EXOC6B: variants seen among roughly 807,000 people sequenced by gnomAD.
The protein encoded by EXOC6B is exocyst complex component 6B.
Under a neutral mutation model 113.5 loss-of-function variants are expected in EXOC6B, and 54 were observed. The ratio of observed to expected loss-of-function variants is 0.48; its 90% CI spans 0.38 to 0.60. The LOEUF is 0.60. Among genes scored for constraint, EXOC6B ranks in the 20% least tolerant of loss-of-function variants. The pLI, the probability that EXOC6B is intolerant of heterozygous loss-of-function variation, is 0.00. For synonymous variants in EXOC6B, 357 were observed against 339.0 expected (o/e 1.05, Z -0.58); for missense variants, 797 against 977.5 (o/e 0.82, Z 2.46).
intron 7 of EXOC6B, among the ~76,000 whole-genome samples, chr2:72,566,549 G>A (rs1418642132): frequency 6.6e-6 from 1 of 151,658 alleles, no homozygotes; most frequent in Non-Finnish European, 1.5e-5. Context: ...GGATTGCTAG[G>A]TCATATATAT....
intron 1 of EXOC6B, among the ~76,000 whole-genome samples, chr2:72,823,999 CAATGGTCCTGATCAT>C (rs1278609509): frequency 1.3e-5 from 2 of 152,060 alleles, no homozygotes; most frequent in African/African-American, 4.8e-5. Context: ...GAGAAAAGCA[CAATGGTCCTGATCAT>C]AAGGCAATGG....
In EXOC6B at chr2:72,588,162, A is replaced by G. The variant is rs547867020; in HGVS notation, c.670-12494T>C. On this transcript the variant is annotated intron_variant, in intron 6 of 21. Coordinates refer to ENST00000272427, the MANE Select transcript of EXOC6B (RefSeq NM_015189.3). Reference sequence around the variant, plus strand: ...TTAAAATGAAATTAAAACATTATCCAGAAATCCCATGTCTGGTTAAATATC... The same window carrying G: ...TTAAAATGAAATTAAAACATTATCCGGAAATCCCATGTCTGGTTAAATATC... 5.3e-5 allele frequency among the ~76,000 whole-genome samples: 8 copies of G among 152,312 alleles called. No individual in the cohort carries two copies. In the South Asian group the frequency reaches 1.0e-3, roughly 20 times the overall value.
At chr2:72,433,788 A>G (rs562936985) in intron 18 of EXOC6B, among the ~76,000 whole-genome samples, 1 of 152,248 alleles carries the variant, frequency 6.6e-6, no homozygotes, top group East Asian at 1.9e-4. Context: ...GTTGCTTAAC[A>G]GCTTGAGTTT....
intron 20 of EXOC6B, among the ~76,000 whole-genome samples, chr2:72,310,019 A>T (rs1687094171): frequency 6.6e-6 from 1 of 152,048 alleles, no homozygotes; most frequent in African/African-American, 2.4e-5. Context: ...GTTCCACATT[A>T]TGTTTATCCA....
chr2:72,804,768 T>C (rs547500595), intron 1 of EXOC6B, among the ~76,000 whole-genome samples: 1 of 152,050 alleles, frequency 6.6e-6, no homozygotes, highest in East Asian at 1.9e-4. Context: ...GCTAATTTTT[T>C]TGTATTTTTA....
chr2:72,652,816 T>C (rs1367382328), intron 6 of EXOC6B, among the ~76,000 whole-genome samples: 1 of 148,058 alleles, frequency 6.8e-6, no homozygotes, highest in African/African-American at 2.5e-5. Flanking sequence ...ATAATAGGCA[T>C]ATATTTTATA....
At chr2:72,571,909 T>C (rs1041547161) in intron 7 of EXOC6B, among the ~76,000 whole-genome samples, 1 of 152,108 alleles carries the variant, frequency 6.6e-6, no homozygotes, top group Non-Finnish European at 1.5e-5. Context: ...GACACAGTAA[T>C]AGCCTTAAAA....
chr2:72,778,575 C>CAT, intron 1 of EXOC6B, among the ~76,000 whole-genome samples: 1 of 152,114 alleles, frequency 6.6e-6, no homozygotes, highest in Non-Finnish European at 1.5e-5. Context: ...AGTACCATTT[C>CAT]ATACACTGGT....
chr2:72,726,225 G>A (rs1327685157), intron 5 of EXOC6B, among the ~76,000 whole-genome samples: 5 of 152,154 alleles, frequency 3.3e-5, no homozygotes, highest in Non-Finnish European at 7.4e-5. Flanking sequence ...CCAGGGCAGC[G>A]AGGAAAGAGG....
At chr2:72,368,933 C>T (rs1439222680) in intron 19 of EXOC6B, among the ~76,000 whole-genome samples, 1 of 152,176 alleles carries the variant, frequency 6.6e-6, no homozygotes, top group East Asian at 1.9e-4. Context: ...AAACTGGAAG[C>T]ATTCCCTTTG....
intron 1 of EXOC6B, among the ~76,000 whole-genome samples, chr2:72,759,061 G>T (rs1264877980): frequency 6.6e-6 from 1 of 152,192 alleles, no homozygotes; most frequent in Non-Finnish European, 1.5e-5. Flanking sequence ...AGGCTTCATA[G>T]CCAGACTTTC....
intron 6 of EXOC6B, among the ~76,000 whole-genome samples, chr2:72,615,151 A>G (rs900238565): frequency 1.3e-5 from 2 of 152,198 alleles, no homozygotes; most frequent in Admixed American, 6.5e-5. Context: ...TGTACTAGAG[A>G]TAAAGACCAT....
chr2:72,763,261 T>C (rs1416513244), intron 1 of EXOC6B, among the ~76,000 whole-genome samples: 1 of 152,074 alleles, frequency 6.6e-6, no homozygotes, highest in East Asian at 1.9e-4. Context: ...ATTAATTGAG[T>C]ATACTTCCAT....
At chr2:72,361,946 C>G (rs1690340924) in intron 19 of EXOC6B, among the ~76,000 whole-genome samples, 1 of 152,134 alleles carries the variant, frequency 6.6e-6, no homozygotes, top group South Asian at 2.1e-4. Context: ...TGTTCTGCCA[C>G]TAGTATATAT....
At chr2:72,784,330 T>C (rs751232935) in intron 1 of EXOC6B, among the ~76,000 whole-genome samples, 8 of 152,238 alleles carry the variant, frequency 5.3e-5, no homozygotes, top group Non-Finnish European at 1.0e-4. Context: ...ATTCAGGTTC[T>C]TTTTTGGTTC....
Position 72,353,349 on chromosome 2 carries a change from G to GTTGTATTGTA in EXOC6B, c.2123-18339_2123-18330dup, listed in dbSNP as rs371125530. 1.7e-4 allele frequency among the ~76,000 whole-genome samples: 24 copies of GTTGTATTGTA among 142,354 alleles called. 1 individual carries two copies. Among genetic ancestry groups the GTTGTATTGTA allele is most frequent in the East Asian group, 3.9e-4 (2 of 5,162 alleles). The allele number at this position is 142,354 out of a possible 152,430, so 93.4% of individuals were successfully genotyped here. On this transcript the variant is annotated intron_variant, in intron 19 of 21. Transcript: ENST00000272427. ...CCCCATAATGAAAACTTTATATTTT[G>GTTGTATTGTA]TTGTATTGTATTGTATTGTATTGTA...
chr2:72,773,628 ATAAT>A (rs1413008023), intron 1 of EXOC6B, among the ~76,000 whole-genome samples: 1 of 152,178 alleles, frequency 6.6e-6, no homozygotes, highest in East Asian at 1.9e-4. Context: ...AACCTTGAAA[ATAAT>A]TAATTCATTT....
chr2:72,547,093 A>C (rs1234411395), intron 8 of EXOC6B, among the ~76,000 whole-genome samples: 1 of 152,240 alleles, frequency 6.6e-6, no homozygotes, highest in Non-Finnish European at 1.5e-5. Context: ...AAGCATTCAG[A>C]GCTTTTGTAA....
intron 6 of EXOC6B, among the ~76,000 whole-genome samples, chr2:72,705,189 A>C (rs1047660983): frequency 5.3e-5 from 8 of 152,248 alleles, no homozygotes; most frequent in African/African-American, 1.9e-4. Flanking sequence ...CAAATCAATA[A>C]ATGTAATCCA....
Sources: allele counts gnomAD v4.1 joint callset (sites outside exome capture counted in the v4.1 genomes callset), GRCh38; gene constraint gnomAD v4.1.1; transcripts MANE v1.5; gene names NCBI Gene and HGNC (gene_info 2026-07-23, HGNC 2026-07-21).